Variants in TTLL5 observed in about 807,000 individuals in gnomAD.
TTLL5 encodes tubulin polyglutamylase TTLL5.
A neutral mutation model predicts 168.4 loss-of-function variants in TTLL5; 132 were observed. The ratio of observed to expected loss-of-function variants is 0.78; its 90% CI spans 0.68 to 0.91. The LOEUF (loss-of-function observed/expected upper bound fraction) is 0.91. Ranked by LOEUF, TTLL5 falls within the 40% of genes least tolerant of loss-of-function variation. TTLL5 has a pLI of 0.00. For synonymous variants in TTLL5, 546 were observed against 558.6 expected (o/e 0.98, Z 0.32); for missense variants, 1,545 against 1,581.5 (o/e 0.98, Z 0.39).
At chr14:75,816,099 A>G (rs1182014541) in intron 27 of TTLL5, among the ~76,000 whole-genome samples, 1 of 152,222 alleles carries the variant, frequency 6.6e-6, no homozygotes, top group Non-Finnish European at 1.5e-5. Context: ...CTTTTGTAAA[A>G]TGGGTAACAG....
chr14:75,674,212 C>G (rs1883970079), intron 3 of TTLL5, among the ~76,000 whole-genome samples: 1 of 152,130 alleles, frequency 6.6e-6, no homozygotes, highest in South Asian at 2.1e-4. Flanking sequence ...TTTGAGTTTT[C>G]TGTATCTTTC....
At chr14:75,841,506 C>T (rs1329814449) in intron 28 of TTLL5, among the ~76,000 whole-genome samples, 1 of 152,042 alleles carries the variant, frequency 6.6e-6, no homozygotes, top group Non-Finnish European at 1.5e-5. Context: ...CTATTTATTC[C>T]TTTCTTTGTC....
chr14:75,699,263 T>G lies in TTLL5; in HGVS notation c.578T>G (p.Ile193Ser), dbSNP rs1293580959. ...TCAAGGGGGCGGGGCGTCTACCTGA[T>G]CAACAATGTAAGTATGCAGCAGATG... ...ASSRGRGVYL[I>S]NNPNQISLEE... The change falls in exon 7 of 32, where the codon ATC becomes AGC. Residue 193 changes from isoleucine (I) to serine (S), a missense_variant. By Grantham distance (142) the Ile-to-Ser change is moderately radical. Transcript: ENST00000298832. The G allele has an allele frequency of 7.4e-6, 12 of 1,613,836 alleles. No individual in the cohort carries two copies. Among genetic ancestry groups the G allele is most frequent in the Non-Finnish European group, 1.0e-5 (12 of 1,179,818 alleles).
intron 2 of TTLL5, among the ~76,000 whole-genome samples, chr14:75,668,342 A>G (rs544453186): frequency 2.0e-5 from 3 of 152,340 alleles, no homozygotes; most frequent in African/African-American, 7.2e-5. Flanking sequence ...TTAACCAGCT[A>G]TATGACCTTA....
intron 28 of TTLL5, among the ~76,000 whole-genome samples, chr14:75,820,987 C>T (rs1292289919): frequency 6.6e-6 from 1 of 152,244 alleles, no homozygotes; most frequent in East Asian, 1.9e-4. Flanking sequence ...ACCACAGGTG[C>T]CCGACCAAGC....
intron 27 of TTLL5, among the ~76,000 whole-genome samples, chr14:75,801,146 G>A (rs1475789453): frequency 6.6e-6 from 1 of 152,152 alleles, no homozygotes; most frequent in Non-Finnish European, 1.5e-5. Context: ...CCATCAGGTT[G>A]GGGCAGAGTT....
chr14:75,684,937 T>C (rs1442168652), intron 5 of TTLL5: 3 of 152,226 alleles, frequency 2.0e-5, no homozygotes, highest in African/African-American at 7.2e-5. Context: ...CCTGCCGTGT[T>C]CTTTGTATAC....
intron 31 of TTLL5, chr14:75,902,626 G>T (rs762221827): frequency 8.7e-6 from 4 of 458,578 alleles, no homozygotes; most frequent in Non-Finnish European, 1.8e-5. Flanking sequence ...AAAGTTGAGG[G>T]CTTGTTGAAG....
chr14:75,926,922 C>G (rs1031269657), intron 31 of TTLL5, among the ~76,000 whole-genome samples: 4 of 152,058 alleles, frequency 2.6e-5, no homozygotes, highest in Non-Finnish European at 5.9e-5. Context: ...AAATGTTAGC[C>G]AGAAAATGAA....
At chr14:75,826,764 C>A (rs946566947) in intron 28 of TTLL5, among the ~76,000 whole-genome samples, 2 of 152,050 alleles carry the variant, frequency 1.3e-5, no homozygotes, top group African/African-American at 4.8e-5. Flanking sequence ...ACTGGTTTAC[C>A]AGCTTTGGAA....
intron 26 of TTLL5, among the ~76,000 whole-genome samples, chr14:75,784,482 C>T (rs927101319): frequency 6.6e-5 from 10 of 152,136 alleles, no homozygotes; most frequent in African/African-American, 2.2e-4. Flanking sequence ...ATTTGTTTAG[C>T]CATTAGTTGA....
At chr14:75,677,356 T>C (rs1368238919) in intron 3 of TTLL5, among the ~76,000 whole-genome samples, 1 of 151,486 alleles carries the variant, frequency 6.6e-6, no homozygotes, top group African/African-American at 2.4e-5. Context: ...TGAACCCTAG[T>C]TTGATTCTAG....
chr14:75,858,894 A>G (rs374813982), intron 28 of TTLL5, among the ~76,000 whole-genome samples: 2 of 152,210 alleles, frequency 1.3e-5, no homozygotes, highest in African/African-American at 4.8e-5. Context: ...CATTTTCTTA[A>G]TACAAGACTA....
chr14:75,883,985 A>G (rs1487406218), intron 30 of TTLL5, among the ~76,000 whole-genome samples: 2 of 152,216 alleles, frequency 1.3e-5, no homozygotes, highest in African/African-American at 2.4e-5. Context: ...GCCACACTTT[A>G]CTAATATGAT....
intron 4 of TTLL5, 40 bp downstream of exon 4, chr14:75,681,667 G>A (rs1312377477): frequency 6.3e-7 from 1 of 1,575,432 alleles, no homozygotes; most frequent in Non-Finnish European, 8.7e-7. Context: ...CTGCTCATAA[G>A]CTGAAAATCC....
chr14:75,743,764 G>T (rs375122475), intron 15 of TTLL5, among the ~76,000 whole-genome samples: 39 of 151,898 alleles, frequency 2.6e-4, no homozygotes, highest in South Asian at 1.0e-3. Flanking sequence ...TGTATTTTTA[G>T]TAGAGATGGG....
At chr14:75,748,762 T>C (rs1201062743) in intron 17 of TTLL5, among the ~76,000 whole-genome samples, 2 of 152,238 alleles carry the variant, frequency 1.3e-5, no homozygotes, top group Non-Finnish European at 2.9e-5. Context: ...TCTTCTCCAA[T>C]TGCAGTACTG....
intron 17 of TTLL5, 120 bp downstream of exon 17, chr14:75,745,701 TATG>T: frequency 1.3e-6 from 1 of 742,934 alleles, no homozygotes; most frequent in Non-Finnish European, 2.2e-6. Flanking sequence ...TTATTTATAA[TATG>T]ATAAATATTA....
chr14:75,924,273 G>A (rs1332743501), intron 31 of TTLL5, among the ~76,000 whole-genome samples: 1 of 151,196 alleles, frequency 6.6e-6, no homozygotes, highest in Non-Finnish European at 1.5e-5. Flanking sequence ...TATGATGTTA[G>A]CTGGTTATTT....
Sources: allele counts gnomAD v4.1 joint callset (sites outside exome capture counted in the v4.1 genomes callset), GRCh38; gene constraint gnomAD v4.1.1; transcripts MANE v1.5; gene names NCBI Gene and HGNC (gene_info 2026-07-23, HGNC 2026-07-21).